ANO3: variants seen among roughly 807,000 people sequenced by gnomAD.
ANO3 encodes anoctamin 3.
ANO3 carries 99 observed loss-of-function variants against 144.8 expected under a neutral mutation model. The observed-to-expected ratio is 0.68, with a 90% CI of 0.58 to 0.81. The LOEUF is 0.81. Among genes scored for constraint, ANO3 ranks in the 30% least tolerant of loss-of-function variants. The probability of loss-of-function intolerance (pLI) is 0.00; values close to 1 mark genes in which losing one functional copy is unlikely to be tolerated. For synonymous variants in ANO3, 414 were observed against 392.6 expected, an observed-to-expected ratio of 1.05 and a Z score of -0.64; for missense variants, 905 against 1,202.2, an observed-to-expected ratio of 0.75 and a Z score of 3.66.
intron 20 of ANO3, 27 bp from the exon 21 acceptor site, chr11:26,639,117 C>A: frequency 6.8e-7 from 1 of 1,460,196 alleles, no homozygotes; most frequent in Non-Finnish European, 9.6e-7. Context: ...AGACCAATAT[C>A]ATTATTGCTC....
intron 5 of ANO3, among the ~76,000 whole-genome samples, chr11:26,513,162 G>T (rs1332020762): frequency 6.6e-6 from 1 of 152,208 alleles, no homozygotes; most frequent in African/African-American, 2.4e-5. Flanking sequence ...ACAAAGGGTA[G>T]TAGCAGAGGA....
chr11:26,323,422 C>T (rs1478509040), intron 1 of ANO3, among the ~76,000 whole-genome samples: 1 of 152,038 alleles, frequency 6.6e-6, no homozygotes, highest in African/African-American at 2.4e-5. Flanking sequence ...GGATTCTCCC[C>T]CCAGACTTAC....
intron 4 of ANO3, among the ~76,000 whole-genome samples, chr11:26,480,986 A>C (rs1028737001): frequency 1.3e-5 from 2 of 152,174 alleles, no homozygotes; most frequent in Non-Finnish European, 2.9e-5. Flanking sequence ...GTCTATTTAT[A>C]AAATGTGATT....
chr11:26,474,030 G>C, intron 4 of ANO3: 1 of 985,144 alleles, frequency 1.0e-6, no homozygotes. Flanking sequence ...AGAACTTTCA[G>C]TTGTCACACT....
chr11:26,558,134 A>G (rs1226712909), intron 13 of ANO3, among the ~76,000 whole-genome samples: 1 of 152,204 alleles, frequency 6.6e-6, no homozygotes, highest in Non-Finnish European at 1.5e-5. Context: ...TTGTTAGCAA[A>G]CCTAGTAAGA....
chr11:26,501,405 A>G lies in ANO3; in HGVS notation c.433-6699A>G, dbSNP rs916367724. On this transcript the variant is annotated intron_variant, in intron 4 of 26. Coordinates refer to ENST00000256737, the MANE Select transcript of ANO3 (RefSeq NM_031418.4). The stretch of plus-strand genomic sequence containing the variant: ...AATGGGTATAGCAATATTTGGTTAC[A>G]TTGGTTCTGAATACAAAAACTGTAG... Among the ~76,000 whole-genome samples the G allele has an allele frequency of 2.0e-5, 3 of 152,170 alleles. No individual in the cohort carries two copies. In the East Asian group the frequency reaches 5.8e-4, roughly 29 times the overall value.
In ANO3 at chr11:26,539,829, C is replaced by G. The variant is rs1359946023; in HGVS notation, c.1033-2118C>G. ...TATAGGTATTATCTAAGTTGACTCT[C>G]GTAAAACCCCTCTATACTGGGTATT... On this transcript the variant is annotated intron_variant, in intron 10 of 26. Coordinates refer to ENST00000256737, the MANE Select transcript of ANO3 (RefSeq NM_031418.4). Among the ~76,000 whole-genome samples the G allele has an allele frequency of 2.6e-5, 4 of 152,268 alleles. No individual in the cohort carries two copies. The East Asian group carries it at 7.7e-4, about 29-fold the overall frequency.
chr11:26,330,934 G>T (rs541071499), upstream of ANO3, among the ~76,000 whole-genome samples: 5 of 152,262 alleles, frequency 3.3e-5, no homozygotes, highest in Non-Finnish European at 5.9e-5. Flanking sequence ...TCAAAACTGA[G>T]GAAGCAACGG....
At chr11:26,567,053 A>G (rs1458091738) in intron 14 of ANO3, 1 of 1,509,098 alleles carries the variant, frequency 6.6e-7, no homozygotes, top group Non-Finnish European at 8.9e-7. Flanking sequence ...GATACTTACA[A>G]CAATCCCTTG....
intron 1 of ANO3, among the ~76,000 whole-genome samples, chr11:26,195,597 ATTTATAAGCTTC>A (rs1851571317): frequency 6.6e-6 from 1 of 152,312 alleles, no homozygotes; most frequent in Admixed American, 6.5e-5. Flanking sequence ...GCATAGCTAA[ATTTATAAGCTTC>A]TTTTATATGA....
chr11:26,628,391 T>A (rs1375875001), intron 18 of ANO3, among the ~76,000 whole-genome samples: 1 of 152,158 alleles, frequency 6.6e-6, no homozygotes, highest in East Asian at 1.9e-4. Context: ...CTGCATCTCA[T>A]AAATAACTTT....
intron 4 of ANO3, 61 bp downstream of exon 4, chr11:26,463,209 T>A (rs1859482399): frequency 3.6e-6 from 3 of 843,814 alleles, no homozygotes; most frequent in East Asian, 5.2e-5. Flanking sequence ...AACCTTACAA[T>A]ATTCATCTAC....
At chr11:26,212,083 A>T (rs1422982289) in intron 1 of ANO3, among the ~76,000 whole-genome samples, 2 of 152,184 alleles carry the variant, frequency 1.3e-5, no homozygotes, top group Non-Finnish European at 2.9e-5. Context: ...GGGAAGGGAT[A>T]GTATTAGGAG....
At chr11:26,287,288 T>C (rs1462893719) in intron 1 of ANO3, 3 of 152,236 alleles carry the variant, frequency 2.0e-5, no homozygotes, top group Admixed American at 6.5e-5. Context: ...TTTAACTTCG[T>C]CCTTCGAATA....
At chr11:26,430,572 C>T (rs1384663324) in intron 1 of ANO3, among the ~76,000 whole-genome samples, 2 of 151,746 alleles carry the variant, frequency 1.3e-5, no homozygotes, top group African/African-American at 2.4e-5. Context: ...AATTTTAATT[C>T]CTAACGCAAG....
chr11:26,622,146 G>A (rs552753150), intron 17 of ANO3, among the ~76,000 whole-genome samples: 2 of 152,220 alleles, frequency 1.3e-5, no homozygotes, highest in South Asian at 2.1e-4. Flanking sequence ...TTTGGGCCTT[G>A]GATGATGCAG....
At chr11:26,399,806 G>A (rs986968943) in intron 1 of ANO3, among the ~76,000 whole-genome samples, 1 of 151,536 alleles carries the variant, frequency 6.6e-6, no homozygotes, top group South Asian at 2.1e-4. Flanking sequence ...CTCTTACCAC[G>A]CTAGAAAGTA....
At chr11:26,349,741 G>C (rs1435995682) in intron 1 of ANO3, among the ~76,000 whole-genome samples, 4 of 152,034 alleles carry the variant, frequency 2.6e-5, no homozygotes, top group Admixed American at 2.6e-4. Flanking sequence ...GTAGAGACGG[G>C]GTTTCACTGT....
intron 1 of ANO3, among the ~76,000 whole-genome samples, chr11:26,279,724 C>T (rs1456199783): frequency 1.3e-5 from 2 of 152,104 alleles, no homozygotes; most frequent in African/African-American, 2.4e-5. Context: ...ATAGTGACAA[C>T]TGGGAGTGAG....
Sources: gnomAD v4.1 joint callset for allele counts (sites outside exome capture counted in the v4.1 genomes callset) on GRCh38, gnomAD v4.1.1 for gene constraint, MANE v1.5 for transcripts, NCBI Gene and HGNC (gene_info 2026-07-23, HGNC 2026-07-21) for gene names.